SYNE3: variants seen among roughly 807,000 people sequenced by gnomAD.
SYNE3 encodes spectrin repeat containing nuclear envelope family member 3, also known as nesprin-3.
In SYNE3, 100 loss-of-function variants were observed where a neutral mutation model predicts 111.2. That is an observed-to-expected ratio of 0.90 (90% CI 0.77 to 1.06). The LOEUF (loss-of-function observed/expected upper bound fraction) is 1.06. Ranked by LOEUF, SYNE3 falls within the 50% of genes least tolerant of loss-of-function variation. SYNE3 has a pLI of 0.00. For synonymous variants in SYNE3, 547 were observed against 533.9 expected, an observed-to-expected ratio of 1.02 and a Z score of -0.34; for missense variants, 1,160 against 1,240.3, an observed-to-expected ratio of 0.94 and a Z score of 0.97.
At chr14:95,490,532 C>T (rs1889798302) in intron 1 of SYNE3, among the ~76,000 whole-genome samples, 1 of 152,212 alleles carries the variant, frequency 6.6e-6, no homozygotes, top group East Asian at 1.9e-4. Flanking sequence ...GCATGCAGAG[C>T]CAAGATTGAA....
chr14:95,439,486 G>A lies in SYNE3; in HGVS notation c.2246+126C>T, dbSNP rs1886283581. On this transcript the variant is annotated intron_variant, in intron 13 of 17. Coordinates refer to ENST00000682763, the MANE Select transcript of SYNE3 (RefSeq NM_152592.6). ...TAGCCAACTGGGCCAAAGTGTGAAG[G>A]TGCCCACGGCCCCTGGCTCCACACT... is the stretch of plus-strand genomic sequence containing the variant. The A allele has an allele frequency of 9.5e-6, 12 of 1,268,092 alleles. No individual in the cohort carries two copies. The South Asian group carries it at 1.0e-4, about 11-fold the overall frequency. 78.6% of individuals were successfully genotyped at this position (1,268,092 alleles called of 1,614,324 possible).
rs2139322565 is a variant in SYNE3, at chr14:95,413,392, G to C, written c.*4434C>G. On this transcript the variant is annotated 3_prime_UTR_variant, in exon 18 of 18. Transcript: ENST00000682763. ...TCCAGCCAGACCACCATAAAGTGCA[G>C]TTCCTCAAAGCTTCTGCAAAGCCTC... The C allele has an allele frequency of 6.6e-6, 1 of 152,636 alleles. No individual in the cohort carries two copies. Among genetic ancestry groups the C allele is most frequent in the Non-Finnish European group, 1.5e-5 (1 of 68,300 alleles). The allele number at this position is 152,636 out of a possible 1,614,324, so 9.5% of individuals were successfully genotyped here.
At chr14:95,433,129 G>A (rs1885884858) in intron 16 of SYNE3, 131 bp downstream of exon 16, 1 of 1,320,420 alleles carries the variant, frequency 7.6e-7, no homozygotes, top group African/African-American at 1.5e-5. Context: ...CTGCCTGAGT[G>A]GTCACCACTG....
chr14:95,429,253 T>C (rs1055284186), intron 17 of SYNE3, among the ~76,000 whole-genome samples: 3 of 152,228 alleles, frequency 2.0e-5, no homozygotes, highest in Non-Finnish European at 4.4e-5. Flanking sequence ...GAACCTACTA[T>C]GTGCCATGGT....
At chr14:95,466,981 G>A (rs1566673165) in intron 3 of SYNE3, among the ~76,000 whole-genome samples, 1 of 152,218 alleles carries the variant, frequency 6.6e-6, no homozygotes, top group South Asian at 2.1e-4. Context: ...GAGCCTGCGT[G>A]TGCGTTCCAG....
At chr14:95,467,990 T>C (rs934968338) in intron 2 of SYNE3, 23 bp from the exon 3 acceptor site, 1 of 1,593,636 alleles carries the variant, frequency 6.3e-7, no homozygotes, top group African/African-American at 1.3e-5. Context: ...CACAAGCCAG[T>C]TTCCAGGGTT....
intron 17 of SYNE3, among the ~76,000 whole-genome samples, chr14:95,426,707 C>T (rs1005078265): frequency 2.6e-5 from 4 of 151,424 alleles, no homozygotes; most frequent in Non-Finnish European, 4.4e-5. Context: ...ATTGGGAGAC[C>T]GAGGTGGGTG....
intron 2 of SYNE3, among the ~76,000 whole-genome samples, chr14:95,469,565 G>T (rs1015150325): frequency 6.8e-4 from 100 of 147,706 alleles, no homozygotes; most frequent in Non-Finnish European, 1.2e-3. Context: ...TTAAAAATTA[G>T]CCGGATGTAG....
At chr14:95,429,059 A>ACGTG (rs1354427749) in intron 17 of SYNE3, among the ~76,000 whole-genome samples, 1 of 152,244 alleles carries the variant, frequency 6.6e-6, no homozygotes, top group East Asian at 1.9e-4. Context: ...GGATGTGCAT[A>ACGTG]CGTGCATGCG....
intron 15 of SYNE3, among the ~76,000 whole-genome samples, chr14:95,434,303 T>C (rs1885962582): frequency 6.6e-6 from 1 of 152,236 alleles, no homozygotes; most frequent in Non-Finnish European, 1.5e-5. Context: ...TGTGTTCAGA[T>C]CTGCTTTTGC....
At chr14:95,477,399 G>GT (rs924037636) in intron 1 of SYNE3, among the ~76,000 whole-genome samples, 11 of 150,590 alleles carry the variant, frequency 7.3e-5, no homozygotes, top group Non-Finnish European at 1.0e-4. Context: ...TTGGAAGTTT[G>GT]TTTTTTTTTC....
In SYNE3 at chr14:95,466,042, C is replaced by T. The variant is rs768537820; in HGVS notation, c.516G>A (p.Arg172=). Residue 172 remains arginine (R), a synonymous_variant, in exon 4 of 18, where the codon CGG becomes CGA. Transcript: ENST00000682763. ...ACAGGGAGGCTGCCTCCTCCAGCAG[C>T]CGGTCCAGGAGCACCGCCTGGTTGT... ...NVDNQAVLLD[R]LLEEAASLFN... 8 of 1,612,714 alleles carry T rather than the reference C, an allele frequency of 5.0e-6. No homozygotes were observed. In the South Asian group the frequency reaches 6.6e-5, roughly 13 times the overall value.
At chr14:95,419,411 A>G (rs1174649682) in intron 17 of SYNE3, among the ~76,000 whole-genome samples, 2 of 152,150 alleles carry the variant, frequency 1.3e-5, no homozygotes, top group African/African-American at 4.8e-5. Context: ...TGATTGATAA[A>G]TGTACCAGTT....
At chr14:95,452,506 G>A in intron 6 of SYNE3, 123 bp from the exon 7 acceptor site, 3 of 1,275,996 alleles carry the variant, frequency 2.4e-6, no homozygotes, top group Non-Finnish European at 1.0e-6. Flanking sequence ...GTCACCAGGG[G>A]CAGGAACTGG....
chr14:95,427,746 G>A (rs1424379791), intron 17 of SYNE3, among the ~76,000 whole-genome samples: 2 of 149,890 alleles, frequency 1.3e-5, no homozygotes, highest in African/African-American at 2.5e-5. Flanking sequence ...TGGCATTCGG[G>A]GCCACTACCG....
At chr14:95,457,806 G>T (rs1277291504) in intron 4 of SYNE3, among the ~76,000 whole-genome samples, 1 of 152,134 alleles carries the variant, frequency 6.6e-6, no homozygotes, top group Non-Finnish European at 1.5e-5. Flanking sequence ...GACAGATGAG[G>T]ACACCAAGAT....
chr14:95,435,396 G>T (rs956396294), intron 15 of SYNE3, among the ~76,000 whole-genome samples: 1 of 152,106 alleles, frequency 6.6e-6, no homozygotes, highest in African/African-American at 2.4e-5. Context: ...TAAACTGAAA[G>T]ATGAATCAGA....
intron 1 of SYNE3, among the ~76,000 whole-genome samples, chr14:95,506,387 T>C (rs946652674): frequency 3.3e-5 from 5 of 152,228 alleles, no homozygotes; most frequent in Non-Finnish European, 7.3e-5. Context: ...GGTCAAGGTG[T>C]GTGGTCTGCA....
chr14:95,448,547 G>GCC (rs889812468), intron 8 of SYNE3, among the ~76,000 whole-genome samples: 14 of 152,298 alleles, frequency 9.2e-5, no homozygotes, highest in African/African-American at 3.4e-4. Context: ...AATTAGCCAG[G>GCC]CATGGTGGTG....
Sources: allele counts gnomAD v4.1 joint callset (sites outside exome capture counted in the v4.1 genomes callset), GRCh38; gene constraint gnomAD v4.1.1; transcripts MANE v1.5; gene names NCBI Gene and HGNC (gene_info 2026-07-23, HGNC 2026-07-21).